Variants in ANKRD30A observed in about 807,000 individuals in gnomAD.
ANKRD30A encodes the protein ankyrin repeat domain 30A.
In ANKRD30A, 170 loss-of-function variants were observed where a neutral mutation model predicts 166.3. The observed-to-expected ratio is 1.02, with a 90% CI of 0.90 to 1.16. The LOEUF (loss-of-function observed/expected upper bound fraction) is 1.16, where lower values mean the gene tolerates loss of function less well. Among genes scored for constraint, ANKRD30A ranks in the 50% most tolerant of loss-of-function variants. The probability of loss-of-function intolerance (pLI) is 0.00; values close to 1 mark genes in which losing one functional copy is unlikely to be tolerated. For synonymous variants in ANKRD30A, 564 were observed against 508.9 expected (o/e 1.11, Z -1.46); for missense variants, 1,630 against 1,518.0 (o/e 1.07, Z -1.23).
the ANKRD30A span, among the ~76,000 whole-genome samples, chr10:37,239,852 G>A: frequency 6.6e-6 from 1 of 151,990 alleles, no homozygotes; most frequent in African/African-American, 2.4e-5. Flanking sequence ...AAGTACTAAA[G>A]GGCACAATTC....
At chr10:37,228,794 A>T (rs994051284) in intron 34 of ANKRD30A, among the ~76,000 whole-genome samples, 7 of 151,966 alleles carry the variant, frequency 4.6e-5, no homozygotes, top group African/African-American at 1.7e-4. Flanking sequence ...ATCAACCTCT[A>T]TTAGATTGTA....
Position 37,194,232 on chromosome 10 carries a change from G to C in ANKRD30A, c.2614+974G>C, listed in dbSNP as rs1207469006. 2.6e-5 allele frequency among the ~76,000 whole-genome samples: 4 copies of C among 152,118 alleles called. 1 individual carries two copies. The highest frequency in any genetic ancestry group is 9.7e-5 in the African/African-American group (4 of 41,420). ...AAACACAAAAGCTCACAACATATGT[G>C]TGGTTATAGACTATGTGTAGAATTT... is the stretch of plus-strand genomic sequence containing the variant. On this transcript the variant is annotated intron_variant, in intron 27 of 35. Coordinates refer to ENST00000361713, the MANE Select transcript of ANKRD30A (RefSeq NM_052997.3).
chr10:37,241,963 G>A, the ANKRD30A span: 1 of 152,156 alleles, frequency 6.6e-6, no homozygotes, highest in South Asian at 2.1e-4. Flanking sequence ...ATTCCTACAA[G>A]TCAGGACATT....
chr10:37,155,995 G>C (rs1838347574), intron 13 of ANKRD30A, among the ~76,000 whole-genome samples: 1 of 151,872 alleles, frequency 6.6e-6, no homozygotes, highest in Non-Finnish European at 1.5e-5. Flanking sequence ...GCAGGAAAAT[G>C]GCGTGAACTT....
At chr10:37,201,711 G>A (rs1377176000) in intron 31 of ANKRD30A, among the ~76,000 whole-genome samples, 6 of 152,050 alleles carry the variant, frequency 3.9e-5, no homozygotes, top group Admixed American at 3.3e-4. Context: ...ATTGGGTGTG[G>A]TTAGAAATTT....
At chr10:37,239,312 A>G in the ANKRD30A span, among the ~76,000 whole-genome samples, 3 of 152,118 alleles carry the variant, frequency 2.0e-5, no homozygotes, top group Non-Finnish European at 2.9e-5. Context: ...GGTTCTACCT[A>G]TATTTATCCT....
the ANKRD30A span, among the ~76,000 whole-genome samples, chr10:37,238,030 C>T: frequency 2.0e-5 from 3 of 152,158 alleles, no homozygotes; most frequent in African/African-American, 7.2e-5. Flanking sequence ...AATTACCCAA[C>T]TCTTTCTACA....
intron 8 of ANKRD30A, among the ~76,000 whole-genome samples, chr10:37,145,324 A>C (rs1837421564): frequency 6.6e-6 from 1 of 152,098 alleles, no homozygotes; most frequent in South Asian, 2.1e-4. Flanking sequence ...CTAAAAATAC[A>C]AAATTAGTTG....
Position 37,125,892 on chromosome 10 carries a change from C to T in ANKRD30A, c.105C>T (p.His35=), listed in dbSNP as rs1835971493. The change falls in exon 1 of 36, where the codon CAC becomes CAT. Residue 35 remains histidine (H), a synonymous_variant. Transcript: ENST00000361713. ...CCAGCAACGACTCCTACATCGTCCACTCTGGGGATCTTAGAAAGATCCATA... is the reference window on the plus strand; with the variant it reads ...CCAGCAACGACTCCTACATCGTCCATTCTGGGGATCTTAGAAAGATCCATA... ...VYTSNDSYIV[H]SGDLRKIHKA... is the part of the protein sequence containing the mutation. 2 of 1,579,388 alleles carry T rather than the reference C, an allele frequency of 1.3e-6. No individual in the cohort carries two copies. Among genetic ancestry groups the T allele is most frequent in the Non-Finnish European group, 1.7e-6 (2 of 1,151,198 alleles).
the ANKRD30A span, among the ~76,000 whole-genome samples, chr10:37,265,687 C>G: frequency 6.6e-6 from 1 of 152,232 alleles, no homozygotes; most frequent in African/African-American, 2.4e-5. Context: ...GATGTTTGCA[C>G]TGGTGTTTCC....
chr10:37,147,467 AT>A lies in ANKRD30A; in HGVS notation c.1543+16del. On this transcript the variant is annotated intron_variant, in intron 9 of 35. Transcript: ENST00000361713. ...AATAGAGAAGTAGAAGGTAAGAACG[AT>A]TTTTTATTTGAAAAGTCTTTTAACC... 1 of 1,532,856 alleles carries A rather than the reference AT, an allele frequency of 6.5e-7. No individual in the cohort carries two copies. The highest frequency in any genetic ancestry group is 8.9e-7 in the Non-Finnish European group (1 of 1,127,316). The allele number at this position is 1,532,856 out of a possible 1,614,324, so 95.0% of individuals were successfully genotyped here.
At chr10:37,235,855 T>C (rs1843649721), downstream of ANKRD30A, among the ~76,000 whole-genome samples, 1 of 149,602 alleles carries the variant, frequency 6.7e-6, no homozygotes, top group South Asian at 2.2e-4. Flanking sequence ...CTGCAAACTC[T>C]GCCTCCCAGG....
At chr10:37,252,682 G>GTT in the ANKRD30A span, among the ~76,000 whole-genome samples, 3 of 143,034 alleles carry the variant, frequency 2.1e-5, no homozygotes, top group African/African-American at 2.5e-5. Flanking sequence ...AAAATTTACA[G>GTT]TTTTTTTTTT....
At chr10:37,237,759 C>A in the ANKRD30A span, among the ~76,000 whole-genome samples, 2 of 152,186 alleles carry the variant, frequency 1.3e-5, no homozygotes, top group Non-Finnish European at 2.9e-5. Flanking sequence ...GCTATACACA[C>A]CTCGAAGCCA....
chr10:37,195,608 A>G (rs542139590), intron 27 of ANKRD30A, among the ~76,000 whole-genome samples: 2 of 152,294 alleles, frequency 1.3e-5, no homozygotes, highest in Admixed American at 6.5e-5. Flanking sequence ...TATTTAAAAA[A>G]TGGTGACCGG....
chr10:37,241,347 C>T, the ANKRD30A span: 3 of 150,712 alleles, frequency 2.0e-5, no homozygotes, highest in East Asian at 5.8e-4. Flanking sequence ...CTTACTTGAG[C>T]TTTTAATGAT....
intron 15 of ANKRD30A, 132 bp downstream of exon 15, chr10:37,158,718 TGTGA>T (rs1838586657): frequency 2.2e-6 from 3 of 1,341,322 alleles, no homozygotes; most frequent in South Asian, 3.0e-5. Flanking sequence ...ATAATGCCAA[TGTGA>T]GTATTTCTGT....
chr10:37,160,187 C>A (rs1014676055), intron 15 of ANKRD30A, among the ~76,000 whole-genome samples: 10 of 152,168 alleles, frequency 6.6e-5, no homozygotes, highest in Non-Finnish European at 1.0e-4. Context: ...TAAAAGTCGA[C>A]ATTAAATGGC....
the ANKRD30A span, among the ~76,000 whole-genome samples, chr10:37,245,468 A>G: frequency 5.9e-4 from 90 of 152,186 alleles, no homozygotes; most frequent in Middle Eastern, 3.4e-3. Context: ...TGTGGGTACA[A>G]TTGGTATCCA....
Sources: allele counts gnomAD v4.1 joint callset (sites outside exome capture counted in the v4.1 genomes callset), GRCh38; gene constraint gnomAD v4.1.1; transcripts MANE v1.5; gene names NCBI Gene and HGNC (gene_info 2026-07-23, HGNC 2026-07-21).